The following DCDC2C variants were observed in gnomAD, a reference collection of about 807,000 sequenced individuals.
DCDC2C encodes doublecortin domain containing 2C, also known as doublecortin domain-containing protein 2C.
A neutral mutation model predicts 45.0 loss-of-function variants in DCDC2C; 44 were observed. That is an observed-to-expected ratio of 0.98 (90% confidence interval 0.77 to 1.26). DCDC2C has a LOEUF of 1.26. Among genes scored for constraint, DCDC2C ranks in the 50% most tolerant of loss-of-function variants. DCDC2C has a pLI of 0.00. For missense variants in DCDC2C, 447 were observed against 468.9 expected (o/e 0.95, Z 0.43); for synonymous variants, 187 against 178.8 (o/e 1.05, Z -0.37).
intron 10 of DCDC2C, among the ~76,000 whole-genome samples, chr2:3,825,762 C>A (rs1365651559): frequency 3.3e-5 from 5 of 152,120 alleles, no homozygotes; most frequent in Non-Finnish European, 1.5e-5. Flanking sequence ...ACTTCCAGGG[C>A]AGAATGAAGC....
At chr2:3,717,906 T>C (rs73910343) in intron 2 of DCDC2C, among the ~76,000 whole-genome samples, 12,396 of 152,274 alleles carry the variant, frequency 0.081, 1,059 homozygotes, top group African/African-American at 0.22. Context: ...GCTTATAATT[T>C]AGGTCTCAAT....
At chr2:3,754,544 C>T in intron 5 of DCDC2C, 48 bp from the exon 6 acceptor site, 6 of 1,539,350 alleles carry the variant, frequency 3.9e-6, no homozygotes, top group Non-Finnish European at 5.3e-6. Flanking sequence ...ATAGAGATAA[C>T]TTAGGGCCGG....
At position 3,772,474 on chromosome 2, in the gene DCDC2C, TCC is replaced by T. The variant is rs1443347984; in HGVS notation, c.954+3065_954+3066del. On this transcript the variant is annotated intron_variant, in intron 8 of 10. Coordinates refer to ENST00000399143, the MANE Select transcript of DCDC2C (RefSeq NM_001287444.2). ...CTTTATTCCAGTGTCTAGGAGCTTC[TCC>T]CAGTACTTGTTAGTCAGTTCTGGAA... 2.0e-5 allele frequency among the ~76,000 whole-genome samples: 3 copies of T among 152,128 alleles called. No homozygotes were observed. The East Asian group carries it at 5.8e-4, about 29-fold the overall frequency.
intron 9 of DCDC2C, among the ~76,000 whole-genome samples, chr2:3,780,363 G>A (rs528807065): frequency 7.0e-4 from 106 of 152,294 alleles, no homozygotes; most frequent in Non-Finnish European, 1.1e-3. Context: ...GCACACTGGC[G>A]GTTGAATTTG....
chr2:3,724,784 C>A (rs1351681891), intron 2 of DCDC2C, among the ~76,000 whole-genome samples: 1 of 152,132 alleles, frequency 6.6e-6, no homozygotes, highest in Non-Finnish European at 1.5e-5. Context: ...GGGAGCAGAG[C>A]TCCCCAGTTG....
At chr2:3,804,997 TTC>T (rs1342844557) in intron 10 of DCDC2C, among the ~76,000 whole-genome samples, 1 of 152,242 alleles carries the variant, frequency 6.6e-6, no homozygotes, top group African/African-American at 2.4e-5. Context: ...TAGCATTACC[TTC>T]TGTTTTCCCT....
chr2:3,785,375 A>G (rs113732132), intron 10 of DCDC2C, among the ~76,000 whole-genome samples: 6,285 of 152,086 alleles, frequency 0.041, 445 homozygotes, highest in African/African-American at 0.14. Context: ...TGTGGCTGGC[A>G]TCTGAAGGTG....
intron 10 of DCDC2C, among the ~76,000 whole-genome samples, chr2:3,789,780 G>T (rs1281906470): frequency 6.6e-6 from 1 of 152,194 alleles, no homozygotes; most frequent in Non-Finnish European, 1.5e-5. Context: ...AAGAAAGAGA[G>T]ATTTGATCCT....
At chr2:3,756,718 T>C (rs138927239) in intron 6 of DCDC2C, among the ~76,000 whole-genome samples, 2,520 of 152,364 alleles carry the variant, frequency 0.017, 41 homozygotes, top group Middle Eastern at 0.041. Flanking sequence ...TTTTAAAAAA[T>C]GTTTTTCTGA....
At chr2:3,808,125 G>A (rs1308580807) in intron 10 of DCDC2C, among the ~76,000 whole-genome samples, 4 of 152,168 alleles carry the variant, frequency 2.6e-5, no homozygotes, top group Non-Finnish European at 1.5e-5. Flanking sequence ...TGTATATATA[G>A]TTTTGCAACT....
intron 2 of DCDC2C, among the ~76,000 whole-genome samples, chr2:3,709,104 C>G (rs1668141205): frequency 6.6e-6 from 1 of 152,068 alleles, no homozygotes; most frequent in South Asian, 2.1e-4. Flanking sequence ...AGAGACATGC[C>G]TTTTTTATAA....
chr2:3,811,107 T>C (rs1024025874), intron 10 of DCDC2C, among the ~76,000 whole-genome samples: 1 of 152,240 alleles, frequency 6.6e-6, no homozygotes. Context: ...TTTTTTCTAA[T>C]TCTGTGAAGA....
chr2:3,815,319 A>G (rs1671528782), intron 10 of DCDC2C, among the ~76,000 whole-genome samples: 1 of 151,808 alleles, frequency 6.6e-6, no homozygotes, highest in South Asian at 2.1e-4. Flanking sequence ...GAGCCGCTGC[A>G]CTGCATTGTT....
intron 2 of DCDC2C, among the ~76,000 whole-genome samples, chr2:3,726,283 C>T (rs1362951195): frequency 6.6e-6 from 1 of 152,094 alleles, no homozygotes; most frequent in Non-Finnish European, 1.5e-5. Context: ...GACCAGGACC[C>T]TGTCACTCAG....
At chr2:3,774,418 C>T (rs57677595) in intron 8 of DCDC2C, among the ~76,000 whole-genome samples, 21,492 of 152,138 alleles carry the variant, frequency 0.14, 2,451 homozygotes, top group African/African-American at 0.31. Context: ...CCTCGAGCCT[C>T]GGGGAGTGGC....
intron 10 of DCDC2C, among the ~76,000 whole-genome samples, chr2:3,839,003 A>T (rs1672147471): frequency 6.6e-6 from 1 of 152,178 alleles, no homozygotes; most frequent in South Asian, 2.1e-4. Context: ...AGAAAATAAA[A>T]TTATTTTTAT....
At chr2:3,789,243 T>A (rs67938526) in intron 10 of DCDC2C, among the ~76,000 whole-genome samples, 3 of 152,008 alleles carry the variant, frequency 2.0e-5, no homozygotes, top group East Asian at 1.9e-4. Context: ...AGTGAAAAAC[T>A]GCCAAGCACC....
intron 10 of DCDC2C, among the ~76,000 whole-genome samples, chr2:3,790,348 A>G (rs758210872): frequency 6.6e-6 from 1 of 152,252 alleles, no homozygotes; most frequent in African/African-American, 2.4e-5. Flanking sequence ...TGCTTAAGAC[A>G]TGCTAAGCTC....
intron 10 of DCDC2C, among the ~76,000 whole-genome samples, chr2:3,829,662 T>C (rs1408104794): frequency 1.3e-5 from 2 of 152,198 alleles, no homozygotes; most frequent in Non-Finnish European, 2.9e-5. Context: ...TTTCTTAATA[T>C]CTTTGGGTAA....
Sources: gnomAD v4.1 joint callset for allele counts (sites outside exome capture counted in the v4.1 genomes callset) on GRCh38, gnomAD v4.1.1 for gene constraint, MANE v1.5 for transcripts, NCBI Gene and HGNC (gene_info 2026-07-23, HGNC 2026-07-21) for gene names.